The following TCF12 variants were observed in gnomAD, a reference collection of about 807,000 sequenced individuals.
TCF12 encodes DNA-binding protein HTF4.
TCF12 carries 45 observed loss-of-function variants against 86.0 expected under a neutral mutation model. The observed-to-expected ratio is 0.52, with a 90% confidence interval of 0.41 to 0.67. The LOEUF (loss-of-function observed/expected upper bound fraction) is 0.67. Among genes scored for constraint, TCF12 ranks in the 30% least tolerant of loss-of-function variants. The pLI is 0.00. For missense variants in TCF12, 881 were observed against 859.9 expected, an observed-to-expected ratio of 1.02 and a Z score of -0.31; for synonymous variants, 330 against 299.6, an observed-to-expected ratio of 1.10 and a Z score of -1.05.
At chr15:56,966,292 A>G (rs1326960777) in intron 3 of TCF12, among the ~76,000 whole-genome samples, 3 of 152,180 alleles carry the variant, frequency 2.0e-5, no homozygotes, top group African/African-American at 7.2e-5. Context: ...TTCAATGGCA[A>G]AAAAGCTAGG....
intron 1 of TCF12, 164 bp from the exon 2 acceptor site, chr15:56,919,728 C>T (rs1429749326): frequency 5.7e-6 from 3 of 527,022 alleles, no homozygotes; most frequent in Non-Finnish European, 6.6e-6. Flanking sequence ...GGGCACTGAG[C>T]CCTCCCGCCC....
chr15:57,215,281 A>G (rs568328258), intron 8 of TCF12, among the ~76,000 whole-genome samples: 3 of 152,274 alleles, frequency 2.0e-5, no homozygotes, highest in East Asian at 3.9e-4. Context: ...TCTCTTTACA[A>G]GGTAGATGAG....
At chr15:57,140,708 A>G (rs564797812) in intron 5 of TCF12, among the ~76,000 whole-genome samples, 8 of 152,330 alleles carry the variant, frequency 5.3e-5, no homozygotes, top group African/African-American at 1.9e-4. Flanking sequence ...TTCAAATTCT[A>G]TGAGATATAA....
intron 6 of TCF12, among the ~76,000 whole-genome samples, chr15:57,173,402 A>G (rs1597058019): frequency 6.6e-6 from 1 of 152,162 alleles, no homozygotes; most frequent in African/African-American, 2.4e-5. Flanking sequence ...AATACTACAA[A>G]TAAGAGCAGA....
intron 5 of TCF12, among the ~76,000 whole-genome samples, chr15:57,122,582 A>ATTC (rs1237556151): frequency 6.6e-6 from 1 of 152,206 alleles, no homozygotes; most frequent in Non-Finnish European, 1.5e-5. Context: ...ACGAACTCAG[A>ATTC]TTTCTCTGAC....
intron 3 of TCF12, among the ~76,000 whole-genome samples, chr15:57,058,602 T>G (rs532550877): frequency 2.6e-5 from 4 of 152,214 alleles, no homozygotes; most frequent in African/African-American, 4.8e-5. Flanking sequence ...TTAGACTGTT[T>G]TATTTGACAA....
chr15:57,204,517 A>G (rs1362008014), intron 8 of TCF12, among the ~76,000 whole-genome samples: 1 of 152,156 alleles, frequency 6.6e-6, no homozygotes, highest in African/African-American at 2.4e-5. Context: ...TAAAGTTTTT[A>G]TGGAATTTCA....
chr15:57,201,824 C>T (rs1426461306), intron 8 of TCF12, among the ~76,000 whole-genome samples: 4 of 152,040 alleles, frequency 2.6e-5, no homozygotes, highest in African/African-American at 9.7e-5. Flanking sequence ...CAACTCTTGT[C>T]TTTGTTCTTT....
intron 3 of TCF12, among the ~76,000 whole-genome samples, chr15:57,056,119 GTGT>G (rs2068005428): frequency 2.3e-4 from 13 of 57,676 alleles, no homozygotes; most frequent in Middle Eastern, 8.6e-3. Context: ...TTTTAGGGGT[GTGT>G]GTGTGTGTGT....
chr15:57,063,398 A>C (rs1363592640), intron 3 of TCF12, among the ~76,000 whole-genome samples: 49 of 152,200 alleles, frequency 3.2e-4, no homozygotes, highest in Admixed American at 3.1e-3. Context: ...TCATGTTTTC[A>C]TGTAGGCAGT....
intron 6 of TCF12, among the ~76,000 whole-genome samples, chr15:57,172,116 C>T: frequency 6.6e-6 from 1 of 151,946 alleles, no homozygotes; most frequent in African/African-American, 2.4e-5. Context: ...GTTCTTTTTT[C>T]CTGTTATACC....
intron 7 of TCF12, among the ~76,000 whole-genome samples, chr15:57,195,142 G>T (rs2057190397): frequency 6.6e-6 from 1 of 151,942 alleles, no homozygotes; most frequent in African/African-American, 2.4e-5. Flanking sequence ...ACCTCAAGTG[G>T]TCCTCCTGCC....
chr15:57,202,885 A>G (rs1162062912), intron 8 of TCF12, among the ~76,000 whole-genome samples: 1 of 152,162 alleles, frequency 6.6e-6, no homozygotes. Context: ...TGTATCCTAG[A>G]TACTCAGTAA....
At chr15:57,266,137 G>T (rs1019669303) in intron 18 of TCF12, among the ~76,000 whole-genome samples, 1 of 150,384 alleles carries the variant, frequency 6.6e-6, no homozygotes, top group Non-Finnish European at 1.5e-5. Context: ...TTAAAGACAG[G>T]GTCTCGCTGT....
At chr15:57,261,580 C>T (rs2060586094) in intron 16 of TCF12, among the ~76,000 whole-genome samples, 1 of 152,108 alleles carries the variant, frequency 6.6e-6, no homozygotes, top group Admixed American at 6.5e-5. Context: ...TTCTAGTTGA[C>T]ACGTCTGCTA....
intron 5 of TCF12, among the ~76,000 whole-genome samples, chr15:57,133,804 G>T (rs2052324785): frequency 6.6e-6 from 1 of 152,102 alleles, no homozygotes; most frequent in Admixed American, 6.5e-5. Flanking sequence ...TACTCCTTCT[G>T]TCTAGGATGT....
chr15:57,132,433 C>T (rs2052197190), intron 5 of TCF12, among the ~76,000 whole-genome samples: 1 of 152,114 alleles, frequency 6.6e-6, no homozygotes, highest in Non-Finnish European at 1.5e-5. Context: ...AACATATTGG[C>T]AGCAAAAATT....
chr15:56,940,738 C>A (rs79838790), intron 3 of TCF12, among the ~76,000 whole-genome samples: 5 of 111,262 alleles, frequency 4.5e-5, no homozygotes, highest in East Asian at 2.7e-4. Context: ...CTCTCCCCCC[C>A]CTTCTCCTCC....
intron 5 of TCF12, among the ~76,000 whole-genome samples, chr15:57,102,853 G>T (rs2049855056): frequency 6.6e-6 from 1 of 152,050 alleles, no homozygotes; most frequent in South Asian, 2.1e-4. Flanking sequence ...GAAATCCTGT[G>T]TTTCCCTTAG....
Sources: allele counts gnomAD v4.1 joint callset (sites outside exome capture counted in the v4.1 genomes callset), GRCh38; gene constraint gnomAD v4.1.1; transcripts MANE v1.5; gene names NCBI Gene and HGNC (gene_info 2026-07-23, HGNC 2026-07-21).